The following KSR2 variants were observed in gnomAD, a reference collection of about 807,000 sequenced individuals.
KSR2 encodes the protein kinase suppressor of ras 2.
KSR2 carries 25 observed loss-of-function variants against 107.8 expected under a neutral mutation model. The ratio of observed to expected loss-of-function variants is 0.23; its 90% CI spans 0.17 to 0.32. The LOEUF (loss-of-function observed/expected upper bound fraction) is 0.32, where lower values mean the gene tolerates loss of function less well. KSR2 is among the 10% of genes least tolerant of loss of function. The pLI, the probability that KSR2 is intolerant of heterozygous loss-of-function variation, is 1.00. For synonymous variants in KSR2, 480 were observed against 507.0 expected (o/e 0.95, Z 0.71); for missense variants, 887 against 1,268.9 (o/e 0.70, Z 4.57).
intron 4 of KSR2, among the ~76,000 whole-genome samples, chr12:117,687,591 T>A (rs1885627835): frequency 6.6e-6 from 1 of 152,174 alleles, no homozygotes; most frequent in Admixed American, 6.5e-5. Flanking sequence ...CATTTCAATA[T>A]CTGAGCCAAT....
At chr12:117,549,736 C>T (rs1877155335) in intron 9 of KSR2, among the ~76,000 whole-genome samples, 1 of 152,048 alleles carries the variant, frequency 6.6e-6, no homozygotes, top group African/African-American at 2.4e-5. Context: ...ATCTGCAAAA[C>T]TAAGCACAGA....
intron 3 of KSR2, among the ~76,000 whole-genome samples, chr12:117,820,760 A>C (rs78513100): frequency 6.9e-6 from 1 of 145,708 alleles, no homozygotes; most frequent in Non-Finnish European, 1.5e-5. Flanking sequence ...AGTCAGTGTG[A>C]AAAAAAAAAA....
At chr12:117,817,024 T>C (rs539781650) in intron 3 of KSR2, among the ~76,000 whole-genome samples, 15 of 152,146 alleles carry the variant, frequency 9.9e-5, no homozygotes, top group Middle Eastern at 3.4e-3. Flanking sequence ...AGGAAACCAA[T>C]GGAAAGATGA....
chr12:117,469,757 C>G lies in KSR2; in HGVS notation c.2751G>C (p.Glu917Asp). Residue 917 changes from glutamate to aspartate, a missense_variant, in exon 19 of 20, where the codon GAG becomes GAC. Physicochemically the swap from Glu to Asp is conservative, Grantham distance 45. This residue lies in a region of KSR2 where 308 missense variants were observed against 506.2 expected (regional missense o/e 0.61). Transcript: ENST00000339824. ...LLFCWAFEQE[E>D]RPTFTKLMDM... ...CCATGAGCTTGGTGAAGGTAGGTCT[C>G]TCTTCTTGTTCAAAGGCCCAGCAGA... 6.2e-7 allele frequency: 1 copy of G among 1,613,918 alleles called. No homozygotes were observed. Among genetic ancestry groups the G allele is most frequent in the Non-Finnish European group, 8.5e-7 (1 of 1,179,880 alleles).
intron 5 of KSR2, among the ~76,000 whole-genome samples, chr12:117,592,797 T>A (rs1280534819): frequency 6.6e-6 from 1 of 151,180 alleles, no homozygotes; most frequent in Non-Finnish European, 1.5e-5. Flanking sequence ...GAATCTAAGA[T>A]GGTAACACTA....
chr12:117,672,579 G>T (rs182055751), intron 4 of KSR2, among the ~76,000 whole-genome samples: 24 of 152,234 alleles, frequency 1.6e-4, no homozygotes, highest in Admixed American at 1.2e-3. Flanking sequence ...TAGACTTGAA[G>T]AAGCCAACAT....
chr12:117,717,669 GTGTGTGT>G (rs1887041511), intron 4 of KSR2, among the ~76,000 whole-genome samples: 1 of 3,646 alleles, frequency 2.7e-4, no homozygotes, highest in Non-Finnish European at 4.9e-4. Flanking sequence ...GCAGACAGGT[GTGTGTGT>G]GTGTGTGTGT....
chr12:117,527,998 A>T (rs972548757), intron 12 of KSR2, among the ~76,000 whole-genome samples: 2 of 133,268 alleles, frequency 1.5e-5, no homozygotes, highest in African/African-American at 5.7e-5. Context: ...TGTGTGTGTG[A>T]TGCATTCATA....
In KSR2 at chr12:117,931,141, C is replaced by T. The variant is rs578257540; in HGVS notation, c.180+36935G>A. Among the ~76,000 whole-genome samples, 159 of 152,090 alleles carry T rather than the reference C, an allele frequency of 1.0e-3. 1 individual carries two copies. Among genetic ancestry groups the T allele is most frequent in the Non-Finnish European group, 1.7e-3 (113 of 67,992 alleles). ...CCCACAGACATCTAAAAACATTTCT[C>T]TCAAAGTGTCATATGGATAAAAACA... On this transcript the variant is annotated intron_variant, in intron 1 of 19. Coordinates refer to ENST00000339824, the MANE Select transcript of KSR2 (RefSeq NM_173598.6).
At chr12:117,643,821 C>T (rs780189374) in intron 5 of KSR2, among the ~76,000 whole-genome samples, 34 of 152,140 alleles carry the variant, frequency 2.2e-4, no homozygotes, top group African/African-American at 7.0e-4. Context: ...ATTTAGGAAC[C>T]GCCAGAGCCT....
chr12:117,721,238 C>T (rs1464771257), intron 4 of KSR2, among the ~76,000 whole-genome samples: 2 of 152,182 alleles, frequency 1.3e-5, no homozygotes, highest in East Asian at 1.9e-4. Flanking sequence ...AGCATGGATA[C>T]CAATGCAATG....
At chr12:117,859,822 CATT>C (rs1004493778) in intron 2 of KSR2, among the ~76,000 whole-genome samples, 6 of 152,200 alleles carry the variant, frequency 3.9e-5, no homozygotes, top group Non-Finnish European at 8.8e-5. Context: ...AGATGACAAT[CATT>C]ATGCACATTT....
At chr12:117,771,712 T>C (rs1889457034) in intron 3 of KSR2, among the ~76,000 whole-genome samples, 2 of 152,144 alleles carry the variant, frequency 1.3e-5, no homozygotes, top group East Asian at 1.9e-4. Context: ...AAGTAATGGA[T>C]AAGTGACAGG....
intron 14 of KSR2, among the ~76,000 whole-genome samples, chr12:117,487,275 C>T (rs191274175): frequency 6.6e-6 from 1 of 152,214 alleles, no homozygotes; most frequent in Non-Finnish European, 1.5e-5. Flanking sequence ...TATCTGTCCA[C>T]CCATCCGTAT....
chr12:117,706,133 C>A (rs1340122580), intron 4 of KSR2, among the ~76,000 whole-genome samples: 1 of 151,028 alleles, frequency 6.6e-6, no homozygotes, highest in Non-Finnish European at 1.5e-5. Context: ...AATCTCTGCC[C>A]CGCGGGTTCA....
intron 1 of KSR2, among the ~76,000 whole-genome samples, chr12:117,947,209 G>GAAAGA (rs1555260443): frequency 4.6e-4 from 36 of 77,844 alleles, no homozygotes; most frequent in South Asian, 1.4e-3. Context: ...AGAAAGAAAA[G>GAAAGA]AAAGAAAGAA....
intron 1 of KSR2, among the ~76,000 whole-genome samples, chr12:117,905,824 C>T (rs10774968): frequency 0.51 from 76,486 of 151,114 alleles, 21,889 homozygotes; most frequent in East Asian, 0.89. Context: ...TCTGAAAAGA[C>T]TTGAACTAAA....
chr12:117,933,334 T>C (rs1009442997), intron 1 of KSR2, among the ~76,000 whole-genome samples: 1 of 152,192 alleles, frequency 6.6e-6, no homozygotes, highest in Non-Finnish European at 1.5e-5. Flanking sequence ...CTCATGCCTG[T>C]AATCCCAAAA....
intron 5 of KSR2, among the ~76,000 whole-genome samples, chr12:117,592,167 G>A (rs542465153): frequency 6.0e-5 from 9 of 149,118 alleles, no homozygotes; most frequent in Non-Finnish European, 1.0e-4. Flanking sequence ...AGGCTGGAGC[G>A]CAATGGAGCA....
Sources: allele counts gnomAD v4.1 joint callset (sites outside exome capture counted in the v4.1 genomes callset), GRCh38; gene constraint gnomAD v4.1.1; regional missense constraint gnomAD v4.1.1; transcripts MANE v1.5; gene names NCBI Gene and HGNC (gene_info 2026-07-23, HGNC 2026-07-21).